CPNE1: variants seen among roughly 807,000 people sequenced by gnomAD.
CPNE1 encodes the protein copine-1.
CPNE1 carries 58 observed loss-of-function variants against 63.2 expected under a neutral mutation model. That is an observed-to-expected ratio of 0.92 (90% CI 0.74 to 1.14). The LOEUF (loss-of-function observed/expected upper bound fraction) is 1.14. CPNE1 is among the 50% of genes most tolerant of loss of function. The probability of loss-of-function intolerance (pLI) is 0.00; values close to 1 mark genes in which losing one functional copy is unlikely to be tolerated. For missense variants in CPNE1, 672 were observed against 661.7 expected, an observed-to-expected ratio of 1.02 and a Z score of -0.17; for synonymous variants, 237 against 249.0, an observed-to-expected ratio of 0.95 and a Z score of 0.45.
At chr20:35,640,726 G>C (rs1430941252) in intron 1 of CPNE1, among the ~76,000 whole-genome samples, 1 of 152,114 alleles carries the variant, frequency 6.6e-6, no homozygotes, top group Non-Finnish European at 1.5e-5. Context: ...TCTTGCTTCT[G>C]TGCCAACGCC....
chr20:35,638,946 A>G (rs2032644195), intron 1 of CPNE1, among the ~76,000 whole-genome samples: 1 of 152,220 alleles, frequency 6.6e-6, no homozygotes, highest in Non-Finnish European at 1.5e-5. Flanking sequence ...GGGGAAGGGA[A>G]GGTATTAACT....
chr20:35,657,060 C>CA (rs150401151), intron 1 of CPNE1, among the ~76,000 whole-genome samples: 3,353 of 152,308 alleles, frequency 0.022, 124 homozygotes, highest in African/African-American at 0.077. Flanking sequence ...TTGGCTTTGA[C>CA]AGTTTTCTCA....
chr20:35,626,678 G>A lies in CPNE1; in HGVS notation c.1362C>T (p.Asp454=). The part of the protein sequence containing the change: ...SVIIVGVGGA[D]FEAMEQLDAD... ...CGTCCAGCTGCTCCATGGCCTCAAA[G>A]TCAGCACCACCCACACCCACAATGA... The change falls in exon 15 of 16, where the codon GAC becomes GAT. Residue 454 remains aspartate (D), a synonymous_variant. Transcript: ENST00000397443. 1 of 1,614,176 alleles carries A rather than the reference G, an allele frequency of 6.2e-7. No individual in the cohort carries two copies. Among genetic ancestry groups the A allele is most frequent in the Non-Finnish European group, 8.5e-7 (1 of 1,180,028 alleles).
intron 1 of CPNE1, among the ~76,000 whole-genome samples, chr20:35,644,510 C>T (rs2033000925): frequency 6.6e-6 from 1 of 152,296 alleles, no homozygotes; most frequent in South Asian, 2.1e-4. Flanking sequence ...TAGGTTCATA[C>T]AATCACAGAA....
chr20:35,656,960 T>C (rs1209761570), intron 1 of CPNE1, among the ~76,000 whole-genome samples: 26 of 152,260 alleles, frequency 1.7e-4, no homozygotes, highest in Non-Finnish European at 1.5e-5. Flanking sequence ...TGTAACTTCA[T>C]TGTCAAATAT....
At position 35,631,548 on chromosome 20, in the gene CPNE1, AC is replaced by A; in HGVS notation, c.657del (p.Ser220HisfsTer49). On this transcript the variant is annotated frameshift_variant, in exon 8 of 16. Coordinates refer to ENST00000397443, the MANE Select transcript of CPNE1 (RefSeq NM_152925.3). LOFTEE classifies it high-confidence loss of function. The part of the protein sequence containing the change: ...QVQCSDYDSD[G>X]SHDLIGTFHT... ...TGGAAGGTACCGATGAGATCATGTG[AC>A]CCGTCACTGTCATAATCGGAGCATT... 6.2e-7 allele frequency: 1 copy of A among 1,613,910 alleles called. No homozygotes were observed. The highest frequency in any genetic ancestry group is 8.5e-7 in the Non-Finnish European group (1 of 1,179,950).
intron 1 of CPNE1, among the ~76,000 whole-genome samples, chr20:35,641,379 G>C (rs1283695798): frequency 1.3e-5 from 2 of 152,146 alleles, no homozygotes; most frequent in Non-Finnish European, 2.9e-5. Context: ...ATCTGATGCA[G>C]TGGGCAAGAG....
At chr20:35,648,194 T>A (rs1267173291) in intron 1 of CPNE1, among the ~76,000 whole-genome samples, 2 of 152,170 alleles carry the variant, frequency 1.3e-5, no homozygotes, top group Non-Finnish European at 2.9e-5. Flanking sequence ...GTACACTCTT[T>A]CCAGAACATT....
intron 1 of CPNE1, among the ~76,000 whole-genome samples, chr20:35,648,027 T>C (rs892085903): frequency 1.9e-4 from 28 of 149,734 alleles, no homozygotes; most frequent in African/African-American, 6.4e-4. Context: ...ATCGCACCAC[T>C]GCACTCCAGC....
chr20:35,630,414 C>T (rs1175979503), intron 13 of CPNE1, 25 bp downstream of exon 13: 3 of 1,610,232 alleles, frequency 1.9e-6, no homozygotes, highest in Non-Finnish European at 2.5e-6. Context: ...GACAGACCTG[C>T]CTCAGGGTGG....
rs1329217194 is a variant in CPNE1 at position 35,632,690 on chromosome 20, G to A, written c.136C>T (p.Arg46Trp). 5.9e-6 allele frequency: 6 copies of A among 1,024,584 alleles called. No individual in the cohort carries two copies. Among genetic ancestry groups the A allele is most frequent in the East Asian group, 2.4e-5 (1 of 42,330 alleles). 63.5% of individuals were successfully genotyped at this position (1,024,584 alleles called of 1,614,324 possible). A position where few individuals can be genotyped will look rare whatever the true frequency, so the allele number is the denominator to read the frequency against. ...VGGGSWAELG[R>W]TERVRNCSSP... ...GAGCAGTTCCGCACCCGTTCAGTCC[G>A]GCCAAGCTGTGGGCAGAGGCCAGTA... The change falls in exon 3 of 16, where the codon CGG becomes TGG. Residue 46 changes from arginine to tryptophan, a missense_variant. Arg to Trp is a moderately radical substitution (Grantham distance 101, BLOSUM62 -3). Coordinates refer to ENST00000397443, the MANE Select transcript of CPNE1 (RefSeq NM_152925.3).
intron 1 of CPNE1, among the ~76,000 whole-genome samples, chr20:35,634,890 T>C (rs6060525): frequency 0.33 from 49,551 of 148,610 alleles, 11,898 homozygotes; most frequent in African/African-American, 0.69. Context: ...CAGGTGTGCA[T>C]CACCACACCC....
chr20:35,627,160 C>A (rs1296893835), intron 14 of CPNE1, 120 bp downstream of exon 14: 2 of 1,031,242 alleles, frequency 1.9e-6, no homozygotes, highest in South Asian at 1.8e-5. Flanking sequence ...TGCACTCCAG[C>A]CTGGGTGACA....
intron 1 of CPNE1, among the ~76,000 whole-genome samples, chr20:35,661,444 T>A (rs1304019186): frequency 6.6e-6 from 1 of 152,196 alleles, no homozygotes; most frequent in African/African-American, 2.4e-5. Context: ...AAAATACATA[T>A]TCTATCTATA....
intron 1 of CPNE1, chr20:35,650,081 A>G (rs1207847238): frequency 1.3e-5 from 2 of 152,634 alleles, no homozygotes; most frequent in African/African-American, 4.8e-5. Flanking sequence ...CAATGCCCAG[A>G]ACAAGATAAA....
At chr20:35,654,570 A>C (rs376639283) in intron 1 of CPNE1, 8 of 1,614,118 alleles carry the variant, frequency 5.0e-6, no homozygotes, top group Non-Finnish European at 6.8e-6. Flanking sequence ...GAGGTGCCAC[A>C]GGTGGCGGAT....
intron 1 of CPNE1, chr20:35,653,939 T>G: frequency 6.2e-7 from 1 of 1,614,176 alleles, no homozygotes; most frequent in Non-Finnish European, 8.5e-7. Flanking sequence ...CCATAAGCTA[T>G]ATAAATACTA....
intron 1 of CPNE1, among the ~76,000 whole-genome samples, chr20:35,637,987 C>T (rs972700088): frequency 2.6e-5 from 4 of 152,302 alleles, no homozygotes; most frequent in East Asian, 3.9e-4. Context: ...CCAGGACCCA[C>T]AGCAGTATCT....
At chr20:35,638,243 A>G (rs1431036964) in intron 1 of CPNE1, among the ~76,000 whole-genome samples, 1 of 152,214 alleles carries the variant, frequency 6.6e-6, no homozygotes, top group Non-Finnish European at 1.5e-5. Flanking sequence ...ACTGATGTGT[A>G]ACAATAAATC....
Sources: allele counts gnomAD v4.1 joint callset (sites outside exome capture counted in the v4.1 genomes callset), GRCh38; gene constraint gnomAD v4.1.1; transcripts MANE v1.5; gene names NCBI Gene and HGNC (gene_info 2026-07-23, HGNC 2026-07-21).